Variants in LDLRAP1 observed in about 807,000 individuals in gnomAD.
LDLRAP1 encodes the protein low density lipoprotein receptor adapter protein 1.
LDLRAP1 carries 30 observed loss-of-function variants against 37.8 expected under a neutral mutation model. The ratio of observed to expected loss-of-function variants is 0.79; its 90% CI spans 0.59 to 1.08. LDLRAP1 has a LOEUF of 1.08. Among genes scored for constraint, LDLRAP1 ranks in the 50% least tolerant of loss-of-function variants. LDLRAP1 has a pLI of 0.00. For synonymous variants in LDLRAP1, 156 were observed against 169.8 expected (o/e 0.92, Z 0.63); for missense variants, 375 against 401.6 (o/e 0.93, Z 0.57).
At chr1:25,580,343 G>A in the LDLRAP1 span, among the ~76,000 whole-genome samples, 1 of 152,120 alleles carries the variant, frequency 6.6e-6, no homozygotes, top group African/African-American at 2.4e-5. Context: ...GAGCACCACT[G>A]CACTCCAGCC....
At position 25,568,632 on chromosome 1, in the gene LDLRAP1, C is replaced by T. The variant is rs2044548391; in HGVS notation, c.*1640C>T. 1.3e-5 allele frequency: 2 copies of T among 152,278 alleles called. No homozygotes were observed. The highest frequency in any genetic ancestry group is 4.1e-4 in the South Asian group (2 of 4,834). 9.4% of individuals were successfully genotyped at this position (152,278 alleles called of 1,614,324 possible). ...CTTCCTTGCCCCTGCTCTGTAGCCA[C>T]CTCCTTGGCACCGGCCTCTATTTGT... On this transcript the variant is annotated 3_prime_UTR_variant, in exon 9 of 9. Transcript: ENST00000374338.
intron 8 of LDLRAP1, among the ~76,000 whole-genome samples, chr1:25,565,471 T>G (rs2044454192): frequency 6.6e-6 from 1 of 152,028 alleles, no homozygotes; most frequent in South Asian, 2.1e-4. Context: ...TGCCGCAGTC[T>G]GAGGTGAGCG....
chr1:25,562,598 C>T, intron 4 of LDLRAP1, 46 bp from the exon 5 acceptor site: 1 of 1,539,640 alleles, frequency 6.5e-7, no homozygotes, highest in Non-Finnish European at 9.0e-7. Context: ...CTTGCTCTGC[C>T]CTGGCTGACA....
the LDLRAP1 span, among the ~76,000 whole-genome samples, chr1:25,587,884 G>C: frequency 6.6e-6 from 1 of 152,128 alleles, no homozygotes; most frequent in Non-Finnish European, 1.5e-5. Flanking sequence ...GATTGTTACT[G>C]TGTCTATGTA....
chr1:25,559,360 C>T (rs986124297), intron 4 of LDLRAP1, among the ~76,000 whole-genome samples: 1 of 152,072 alleles, frequency 6.6e-6, no homozygotes, highest in Non-Finnish European at 1.5e-5. Context: ...CCAGCTCTTA[C>T]AAGGGAGACC....
intron 7 of LDLRAP1, 117 bp downstream of exon 7, chr1:25,563,908 A>G: frequency 1.4e-6 from 2 of 1,390,138 alleles, no homozygotes; most frequent in South Asian, 2.4e-5. Context: ...TGGGAGGACC[A>G]GACCCAGCCC....
chr1:25,547,533 A>ATTACCACC (rs1312619714), intron 1 of LDLRAP1, among the ~76,000 whole-genome samples: 1 of 145,376 alleles, frequency 6.9e-6, no homozygotes, highest in African/African-American at 2.6e-5. Flanking sequence ...AATAAAGCAA[A>ATTACCACC]TTACCACCAG....
At chr1:25,557,966 T>G (rs1327482334) in intron 4 of LDLRAP1, among the ~76,000 whole-genome samples, 1 of 152,070 alleles carries the variant, frequency 6.6e-6, no homozygotes, top group African/African-American at 2.4e-5. Flanking sequence ...AGTGGGGGTT[T>G]AAACCCACGT....
At chr1:25,579,576 C>T in the LDLRAP1 span, among the ~76,000 whole-genome samples, 1 of 152,236 alleles carries the variant, frequency 6.6e-6, no homozygotes, top group African/African-American at 2.4e-5. Flanking sequence ...TCCTAGGCTC[C>T]AGTCCATGCC....
chr1:25,545,998 G>A (rs1024131163), intron 1 of LDLRAP1, among the ~76,000 whole-genome samples: 6 of 152,206 alleles, frequency 3.9e-5, no homozygotes, highest in African/African-American at 7.2e-5. Flanking sequence ...GCATCTAAGA[G>A]GCAGAGCTCC....
chr1:25,573,101 G>C (rs1368818778), downstream of LDLRAP1, among the ~76,000 whole-genome samples: 1 of 147,482 alleles, frequency 6.8e-6, no homozygotes, highest in African/African-American at 2.5e-5. Context: ...GGGGCGGGGG[G>C]AGGTCAGATG....
At chr1:25,586,726 G>C in the LDLRAP1 span, among the ~76,000 whole-genome samples, 2 of 152,048 alleles carry the variant, frequency 1.3e-5, no homozygotes, top group African/African-American at 2.4e-5. This position sits in a 1 kb window ranked among gnomAD's most constrained non-coding sequence, Gnocchi z 4.3. Context: ...TCCCACTCTG[G>C]GCACAGCTCA....
chr1:25,569,045 T>C (rs2044561264), downstream of LDLRAP1, among the ~76,000 whole-genome samples: 1 of 152,006 alleles, frequency 6.6e-6, no homozygotes, highest in African/African-American at 2.4e-5. Flanking sequence ...GAAGGCCCAG[T>C]GGGGCCCCCT....
At chr1:25,574,325 A>C in the LDLRAP1 span, among the ~76,000 whole-genome samples, 1 of 152,200 alleles carries the variant, frequency 6.6e-6, no homozygotes, top group Admixed American at 6.5e-5. Context: ...CGAGGACACG[A>C]AGGCTGCACA....
At chr1:25,586,286 G>T in the LDLRAP1 span, among the ~76,000 whole-genome samples, 2 of 152,172 alleles carry the variant, frequency 1.3e-5, no homozygotes, top group African/African-American at 4.8e-5. This position sits in a 1 kb window ranked among gnomAD's most constrained non-coding sequence, Gnocchi z 4.3. Flanking sequence ...TGGCCCAGGG[G>T]CTCTCATGAT....
At position 25,563,775 on chromosome 1, in the gene LDLRAP1, G is replaced by A. The variant is rs748256604; in HGVS notation, c.731G>A (p.Gly244Asp). 3.5e-5 allele frequency: 56 copies of A among 1,613,822 alleles called. 1 individual carries two copies. The South Asian group carries it at 5.9e-4, about 17-fold the overall frequency. Residue 244 changes from glycine to aspartate, a missense_variant, in exon 7 of 9, where the codon GGC (glycine) becomes GAC (aspartate). By Grantham distance (94) the Gly-to-Asp change is moderately conservative. Coordinates refer to ENST00000374338, the MANE Select transcript of LDLRAP1 (RefSeq NM_015627.3). ...GTGCCGCGGCCACAAGCCTTGAGTG[G>A]CAGCAGTGTTGTCTGGGTGAGTGGT... The part of the protein sequence containing the change: ...DEVPRPQALS[G>D]SSVVWELDDG...
rs1477940372 is a variant in LDLRAP1, at chr1:25,568,541, A to G, written c.*1549A>G. 1.3e-5 allele frequency: 2 copies of G among 152,220 alleles called. No homozygotes were observed. Among genetic ancestry groups the G allele is most frequent in the African/African-American group, 4.8e-5 (2 of 41,444 alleles). 9.4% of individuals were successfully genotyped at this position (152,220 alleles called of 1,614,324 possible). On this transcript the variant is annotated 3_prime_UTR_variant, in exon 9 of 9. Coordinates refer to ENST00000374338, the MANE Select transcript of LDLRAP1 (RefSeq NM_015627.3). ...ACCTCCTTACCTGGAGTAACCGGAC[A>G]CCTTAGACGGAGGTGCCTGAGGGTG...
At position 25,565,844 on chromosome 1, in the gene LDLRAP1, C is replaced by T. The variant is rs534814601; in HGVS notation, c.782+637C>T. 2.3e-3 allele frequency among the ~76,000 whole-genome samples: 348 copies of T among 152,294 alleles called. 3 individuals are homozygous for T. Among genetic ancestry groups the T allele is most frequent in the South Asian group, 5.6e-3 (27 of 4,824 alleles). ...TCAGGCCTCCCTTTCTCACTTGAGA[C>T]CCTCAGCAGCCTCCTACAGCCCTCC... On this transcript the variant is annotated intron_variant, in intron 8 of 8. Coordinates refer to ENST00000374338, the MANE Select transcript of LDLRAP1 (RefSeq NM_015627.3).
intron 1 of LDLRAP1, among the ~76,000 whole-genome samples, chr1:25,549,474 G>A (rs1406478789): frequency 6.6e-6 from 1 of 152,244 alleles, no homozygotes; most frequent in African/African-American, 2.4e-5. Context: ...GGGTGGTTGG[G>A]GGACCTTAAC....
Sources: allele counts gnomAD v4.1 joint callset (sites outside exome capture counted in the v4.1 genomes callset), GRCh38; gene constraint gnomAD v4.1.1; non-coding constraint Gnocchi (gnomAD v3.1); transcripts MANE v1.5; gene names NCBI Gene and HGNC (gene_info 2026-07-23, HGNC 2026-07-21).